The following MYH16 variants were observed in gnomAD, a reference collection of about 807,000 sequenced individuals.
MYH16 encodes myosin heavy chain 16, also known as putative uncharacterized protein MYH16.
intron 8 of MYH16, chr7:99,254,252 A>T (rs982261453): frequency 6.6e-6 from 1 of 151,584 alleles, no homozygotes; most frequent in African/African-American, 2.4e-5. Context: ...CTGTCTGAAG[A>T]AAAAAAAAGA....
At chr7:99,303,358 T>C (rs958648705) in intron 39 of MYH16, among the ~76,000 whole-genome samples, 168 bp downstream of exon 20, 1 of 152,232 alleles carries the variant, frequency 6.6e-6, no homozygotes, top group Non-Finnish European at 1.5e-5. Flanking sequence ...CCAAGGCTTT[T>C]CTAAAAAAGC....
intron 33 of MYH16, 127 bp downstream of exon 14, chr7:99,294,277 AG>A (rs1792440098): frequency 3.0e-6 from 1 of 337,450 alleles, no homozygotes; most frequent in African/African-American, 2.2e-5. Context: ...GGTGCAATGC[AG>A]GGGTGCCTTC....
At chr7:99,294,500 C>CAA (rs1159682450) in intron 33 of MYH16, among the ~76,000 whole-genome samples, 307 of 24,996 alleles carry the variant, frequency 0.012, 3 homozygotes, top group Middle Eastern at 0.029. Context: ...GACCCTGTCT[C>CAA]AAAAAAAAAA....
intron 28 of MYH16, chr7:99,286,538 G>A (rs928835264): frequency 5.2e-5 from 8 of 152,636 alleles, no homozygotes; most frequent in East Asian, 1.9e-4. Flanking sequence ...CCCATCCCAG[G>A]GGGCCCAGAA....
At chr7:99,259,789 G>GTATGTATATATTATATATATGTATGTA in intron 11 of MYH16, among the ~76,000 whole-genome samples, 1 of 145,920 alleles carries the variant, frequency 6.9e-6, no homozygotes. Context: ...CACGTATATT[G>GTATGTATATATTATATATATGTATGTA]TATGTATATA....
intron 2 of MYH16, among the ~76,000 whole-genome samples, chr7:99,247,137 T>C (rs991226893): frequency 5.9e-5 from 9 of 152,186 alleles, no homozygotes; most frequent in African/African-American, 2.2e-4. Flanking sequence ...CAGACTCAGA[T>C]AGTCATAAGA....
At chr7:99,299,799 G>C (rs1792560336) in intron 37 of MYH16, 141 bp downstream of exon 18, 1 of 152,078 alleles carries the variant, frequency 6.6e-6, no homozygotes, top group Non-Finnish European at 1.5e-5. Context: ...GGCAGTCCAG[G>C]GAACAGGAGG....
chr7:99,264,933 A>C (rs1791972440), intron 15 of MYH16, among the ~76,000 whole-genome samples: 2 of 152,230 alleles, frequency 1.3e-5, no homozygotes, highest in South Asian at 4.1e-4. Context: ...TTCTGCAATG[A>C]TGAAACGTTC....
At chr7:99,255,696 G>A (rs73157600) in intron 9 of MYH16, 3,716 of 153,306 alleles carry the variant, frequency 0.024, 55 homozygotes, top group South Asian at 0.042. Context: ...GTGAGTGGGC[G>A]GGCAGAGCTG....
chr7:99,274,858 G>C (rs1447544559), intron 20 of MYH16, among the ~76,000 whole-genome samples: 1 of 151,868 alleles, frequency 6.6e-6, no homozygotes, highest in Non-Finnish European at 1.5e-5. Flanking sequence ...ATTTTTAGTA[G>C]AGACAGGGTT....
At chr7:99,302,180 T>C (rs1226718709) in intron 38 of MYH16, among the ~76,000 whole-genome samples, 1 of 150,056 alleles carries the variant, frequency 6.7e-6, no homozygotes, top group Non-Finnish European at 1.5e-5. Flanking sequence ...GGCACACACC[T>C]GTAATCCCAA....
chr7:99,249,943 TC>T (rs1202940917), intron 4 of MYH16: 1 of 152,844 alleles, frequency 6.5e-6, no homozygotes, highest in African/African-American at 2.4e-5. Flanking sequence ...CCACCCCTCT[TC>T]CTGCTTCTCC....
At chr7:99,253,352 A>C (rs1300055221) in intron 7 of MYH16, 7 of 152,078 alleles carry the variant, frequency 4.6e-5, no homozygotes, top group African/African-American at 1.7e-4. Flanking sequence ...ATCTCAAAAA[A>C]ATAAATAAAT....
intron 5 of MYH16, among the ~76,000 whole-genome samples, chr7:99,250,366 C>G (rs1791795545): frequency 6.6e-6 from 1 of 152,170 alleles, no homozygotes. Context: ...AGTTTGCTGC[C>G]TGTTAAGTGG....
At chr7:99,249,787 C>A (rs906004869) in intron 4 of MYH16, among the ~76,000 whole-genome samples, 1 of 151,412 alleles carries the variant, frequency 6.6e-6, no homozygotes, top group African/African-American at 2.4e-5. Context: ...GAACTCCTGA[C>A]CTCAGGTGAT....
intron 22 of MYH16, among the ~76,000 whole-genome samples, chr7:99,280,623 A>G (rs1409621372): frequency 6.6e-6 from 1 of 152,198 alleles, no homozygotes; most frequent in Non-Finnish European, 1.5e-5. Context: ...GACTCTGGCG[A>G]GTCTGGTGGA....
chr7:99,296,148 TAAA>T (rs60180969), intron 33 of MYH16, among the ~76,000 whole-genome samples: 5 of 91,406 alleles, frequency 5.5e-5, no homozygotes, highest in South Asian at 3.5e-4. Flanking sequence ...CATCTCAATT[TAAA>T]AAAAAAAAAA....
intron 20 of MYH16, among the ~76,000 whole-genome samples, chr7:99,276,568 A>C (rs1792114213): frequency 6.6e-6 from 1 of 152,258 alleles, no homozygotes; most frequent in African/African-American, 2.4e-5. Flanking sequence ...AGAGGTCCCG[A>C]TGGGTGCTGC....
chr7:99,249,451 A>G (rs1489050234), intron 4 of MYH16, among the ~76,000 whole-genome samples: 3 of 143,686 alleles, frequency 2.1e-5, no homozygotes, highest in Non-Finnish European at 4.5e-5. Context: ...AGGCAGGAAG[A>G]TTGCTTGAGC....
Sources: gnomAD v4.1 joint callset for allele counts (sites outside exome capture counted in the v4.1 genomes callset) on GRCh38, gnomAD v4.1.1 for gene constraint, MANE v1.5 for transcripts, NCBI Gene and HGNC (gene_info 2026-07-23, HGNC 2026-07-21) for gene names.